Variants in FBXO7 observed in about 807,000 individuals in gnomAD.
The protein encoded by FBXO7 is F-box only protein 7.
Under a neutral mutation model 50.2 loss-of-function variants are expected in FBXO7, and 31 were observed. That is an observed-to-expected ratio of 0.62 (90% CI 0.46 to 0.83). The LOEUF (loss-of-function observed/expected upper bound fraction) is 0.83. Among genes scored for constraint, FBXO7 ranks in the 40% least tolerant of loss-of-function variants. The probability of loss-of-function intolerance (pLI) is 0.00; values close to 1 mark genes in which losing one functional copy is unlikely to be tolerated. For missense variants in FBXO7, 667 were observed against 646.6 expected (o/e 1.03, Z -0.34); for synonymous variants, 256 against 253.1 (o/e 1.01, Z -0.11).
In FBXO7 at chr22:32,491,180, A is replaced by G. The variant is rs773770350; in HGVS notation, c.966A>G (p.Gln322=). 2.5e-6 allele frequency: 4 copies of G among 1,586,246 alleles called. No individual in the cohort carries two copies. The highest frequency in any genetic ancestry group is 1.7e-5 in the Admixed American group (1 of 59,978). The change falls in exon 6 of 9, where the codon CAA becomes CAG. Residue 322 remains glutamine, a splice_region_variant and synonymous_variant. Transcript: ENST00000266087. The stretch of plus-strand genomic sequence containing the variant: ...ATCCTCTTCTGGCTTTTACCCGACA[A>G]GGTAAGAGATGAAATACTGTCACAA... ...LVYPLLAFTR[Q]ALNLPDVFGL...
intron 5 of FBXO7, 139 bp from the exon 6 acceptor site, chr22:32,490,947 A>T: frequency 1.5e-6 from 1 of 655,778 alleles, no homozygotes; most frequent in Non-Finnish European, 2.7e-6. Flanking sequence ...TACTTCTTCC[A>T]TGAGGGAATT....
intron 6 of FBXO7, chr22:32,492,591 A>G (rs952854757): frequency 2.9e-5 from 5 of 169,998 alleles, no homozygotes; most frequent in African/African-American, 1.2e-4. Flanking sequence ...AGCACTTAAT[A>G]TGTGTTAATA....
chr22:32,488,022 T>TAAA, intron 5 of FBXO7, 194 bp downstream of exon 5: 2 of 544,484 alleles, frequency 3.7e-6, no homozygotes, highest in Non-Finnish European at 6.6e-6. Context: ...GGAGTTTGTT[T>TAAA]CTTTCCTGTT....
intron 8 of FBXO7, 55 bp from the exon 9 acceptor site, chr22:32,498,089 G>A: frequency 6.3e-7 from 1 of 1,582,822 alleles, no homozygotes; most frequent in African/African-American, 1.3e-5. Flanking sequence ...GAACTAAAGG[G>A]AAACATCCAG....
Position 32,480,005 on chromosome 22 carries a change from C to T in FBXO7, c.417+730C>T, listed in dbSNP as rs74910694. Among the ~76,000 whole-genome samples, 866 of 152,296 alleles carry T rather than the reference C, an allele frequency of 5.7e-3. 2 individuals carry two copies. The highest frequency in any genetic ancestry group is 0.02 in the African/African-American group (822 of 41,562). ...GAACATAAATTTGGAAATATGTGTGCTCAGTTCCCTTCTTTGTCAGTGGCA... is the reference window on the plus strand; with the variant it reads ...GAACATAAATTTGGAAATATGTGTGTTCAGTTCCCTTCTTTGTCAGTGGCA... On this transcript the variant is annotated intron_variant, in intron 2 of 8. Coordinates refer to ENST00000266087, the MANE Select transcript of FBXO7 (RefSeq NM_012179.4).
chr22:32,498,353 C>T lies in FBXO7; in HGVS notation c.1392C>T (p.Leu464=), dbSNP rs770900457. 5 of 1,614,202 alleles carry T rather than the reference C, an allele frequency of 3.1e-6. No homozygotes were observed. In the East Asian group the frequency reaches 8.9e-5, roughly 29 times the overall value. The change falls in exon 9 of 9, where the codon CTC becomes CTT. Residue 464 remains leucine, a synonymous_variant. Coordinates refer to ENST00000266087, the MANE Select transcript of FBXO7 (RefSeq NM_012179.4). ...ATGTTGGAGACCCAATCAGTTCACT[C>T]ATTCCTGGTCCTGGGGAGACGCCCA... ...LPYVGDPISS[L]IPGPGETPSQ...
intron 2 of FBXO7, among the ~76,000 whole-genome samples, chr22:32,482,055 T>G (rs899339704): frequency 2.6e-5 from 4 of 152,150 alleles, no homozygotes; most frequent in African/African-American, 9.7e-5. Context: ...TCATTTTTCC[T>G]CATATATTCT....
chr22:32,485,745 A>T (rs2057494400), intron 4 of FBXO7, among the ~76,000 whole-genome samples: 1 of 152,170 alleles, frequency 6.6e-6, no homozygotes. Flanking sequence ...CCCCCAACAA[A>T]TGTCACTCTG....
At chr22:32,475,395 C>T in intron 1 of FBXO7, 1 of 1,611,554 alleles carries the variant, frequency 6.2e-7, no homozygotes, top group Non-Finnish European at 8.5e-7. Flanking sequence ...TGGTCCCCTC[C>T]TCGGTGAGTC....
Position 32,479,084 on chromosome 22 carries a change from T to G in FBXO7, c.226T>G (p.Leu76Val). ...YGIVSGDLIC[L>V]ILQDDIPAPN... is the part of the protein sequence containing the mutation. Reference sequence around the variant, plus strand: ...GATTGTTTCTGGGGACTTGATATGTTTGATTCTTCAAGATGACATTCCAGC... The same window carrying G: ...GATTGTTTCTGGGGACTTGATATGTGTGATTCTTCAAGATGACATTCCAGC... Residue 76 changes from leucine to valine, a missense_variant, in exon 2 of 9, where the codon TTG becomes GTG. Physicochemically the swap from Leu to Val is conservative, Grantham distance 32. Transcript: ENST00000266087. The G allele has an allele frequency of 6.2e-7, 1 of 1,614,208 alleles. No homozygotes were observed. Among genetic ancestry groups the G allele is most frequent in the Non-Finnish European group, 8.5e-7 (1 of 1,180,034 alleles).
intron 4 of FBXO7, among the ~76,000 whole-genome samples, chr22:32,486,835 A>C (rs1184686483): frequency 6.6e-6 from 1 of 152,204 alleles, no homozygotes; most frequent in Non-Finnish European, 1.5e-5. Context: ...TTGTACACAG[A>C]GTGTCAACAG....
intron 5 of FBXO7, chr22:32,488,347 T>C (rs1317619747): frequency 6.5e-6 from 1 of 153,254 alleles, no homozygotes; most frequent in Non-Finnish European, 1.5e-5. Context: ...AAGGTTTTGC[T>C]TAAACTCTAT....
At chr22:32,476,139 C>T (rs1179488257) in intron 1 of FBXO7, among the ~76,000 whole-genome samples, 2 of 152,032 alleles carry the variant, frequency 1.3e-5, no homozygotes, top group Admixed American at 1.3e-4. Context: ...TTCTGAACTT[C>T]TCGCCCTTTC....
intron 6 of FBXO7, 94 bp from the exon 7 acceptor site, chr22:32,493,011 A>C (rs751647010): frequency 8.2e-7 from 1 of 1,216,036 alleles, no homozygotes; most frequent in Non-Finnish European, 1.2e-6. Flanking sequence ...CTGTCACTTT[A>C]GAAAGGAACA....
intron 4 of FBXO7, 66 bp from the exon 5 acceptor site, chr22:32,487,678 AC>A (rs778599889): frequency 1.1e-4 from 103 of 976,542 alleles, no homozygotes; most frequent in Non-Finnish European, 1.5e-4. Context: ...GCAAGCCCAT[AC>A]TAAAAAAGAA....
chr22:32,477,292 G>A (rs1434455400), intron 1 of FBXO7, among the ~76,000 whole-genome samples: 1 of 152,196 alleles, frequency 6.6e-6, no homozygotes, highest in Non-Finnish European at 1.5e-5. Context: ...TCAAAATGCA[G>A]CATTGTAAGA....
intron 5 of FBXO7, chr22:32,490,463 T>A (rs2057527212): frequency 6.6e-6 from 1 of 152,530 alleles, no homozygotes; most frequent in African/African-American, 2.4e-5. Context: ...CCAGGTATTG[T>A]CAGTTCTGGT....
At chr22:32,494,998 A>G (rs1463617263) in intron 7 of FBXO7, among the ~76,000 whole-genome samples, 1 of 152,254 alleles carries the variant, frequency 6.6e-6, no homozygotes, top group Non-Finnish European at 1.5e-5. Flanking sequence ...TAGCCGAGTC[A>G]TTCAGGACAT....
At chr22:32,493,793 C>G (rs1236287015) in intron 7 of FBXO7, among the ~76,000 whole-genome samples, 2 of 152,008 alleles carry the variant, frequency 1.3e-5, no homozygotes, top group Admixed American at 6.6e-5. Flanking sequence ...TTTTTTTCTG[C>G]TACCACCATT....
Sources: allele counts gnomAD v4.1 joint callset (sites outside exome capture counted in the v4.1 genomes callset), GRCh38; gene constraint gnomAD v4.1.1; transcripts MANE v1.5; gene names NCBI Gene and HGNC (gene_info 2026-07-23, HGNC 2026-07-21).